The following UNC5D variants were observed in gnomAD, a reference collection of about 807,000 sequenced individuals.
UNC5D encodes the protein netrin receptor UNC5D.
UNC5D carries 39 observed loss-of-function variants against 105.4 expected under a neutral mutation model. The observed-to-expected ratio is 0.37, with a 90% confidence interval of 0.29 to 0.48. UNC5D has a LOEUF of 0.48. Among genes scored for constraint, UNC5D ranks in the 20% least tolerant of loss-of-function variants. The pLI, the probability that UNC5D is intolerant of heterozygous loss-of-function variation, is 0.98. For missense variants in UNC5D, 991 were observed against 1,202.4 expected, an observed-to-expected ratio of 0.82 and a Z score of 2.60; for synonymous variants, 452 against 450.4, an observed-to-expected ratio of 1.00 and a Z score of -0.04.
intron 1 of UNC5D, among the ~76,000 whole-genome samples, chr8:35,305,253 A>G (rs184880005): frequency 6.6e-6 from 1 of 152,288 alleles, no homozygotes; most frequent in Admixed American, 6.5e-5. Context: ...AAATGAAGAA[A>G]TAACCACGGT....
At chr8:35,339,761 T>G (rs770616492) in intron 1 of UNC5D, among the ~76,000 whole-genome samples, 14 of 152,206 alleles carry the variant, frequency 9.2e-5, no homozygotes, top group Non-Finnish European at 1.9e-4. Context: ...CAGGTTTATC[T>G]GGGGAGCCAG....
intron 13 of UNC5D, among the ~76,000 whole-genome samples, chr8:35,757,913 T>C (rs551745331): frequency 3.7e-4 from 56 of 152,352 alleles, no homozygotes; most frequent in Admixed American, 6.5e-4. Flanking sequence ...AGTATGGTCA[T>C]TGCTAATCAC....
chr8:35,628,120 TTTAC>T (rs146768067), intron 4 of UNC5D, among the ~76,000 whole-genome samples: 16,596 of 151,790 alleles, frequency 0.11, 956 homozygotes, highest in African/African-American at 0.15. Flanking sequence ...TATTTATTTA[TTTAC>T]TTACTTACTT....
rs1201839627 is a variant in UNC5D at position 35,790,977 on chromosome 8, CT to C, written c.*415del. 1 of 196,380 alleles carries C rather than the reference CT, an allele frequency of 5.1e-6. No homozygotes were observed. The highest frequency in any genetic ancestry group is 2.3e-5 in the African/African-American group (1 of 43,204). 12.2% of individuals were successfully genotyped at this position (196,380 alleles called of 1,614,324 possible). On this transcript the variant is annotated 3_prime_UTR_variant, in exon 17 of 17. Coordinates refer to ENST00000404895, the MANE Select transcript of UNC5D (RefSeq NM_080872.4). ...TCTGGTACTAGATTGTCAGAGTTTT[CT>C]ACCAACTGGCATCTGTGATGTCAGA...
chr8:35,482,791 A>G (rs1810563957), intron 1 of UNC5D, among the ~76,000 whole-genome samples: 1 of 98,886 alleles, frequency 1.0e-5, no homozygotes, highest in Non-Finnish European at 1.9e-5. Flanking sequence ...CATTAAAGAG[A>G]TCTTTTTTTT....
At chr8:35,695,601 C>A (rs917677420) in intron 7 of UNC5D, among the ~76,000 whole-genome samples, 5 of 151,978 alleles carry the variant, frequency 3.3e-5, no homozygotes, top group African/African-American at 1.2e-4. Context: ...AACACCTGAA[C>A]CACAGGTGAG....
intron 1 of UNC5D, among the ~76,000 whole-genome samples, chr8:35,351,220 T>C (rs1812214394): frequency 6.6e-6 from 1 of 151,924 alleles, no homozygotes; most frequent in Admixed American, 6.6e-5. Context: ...GAGACTCACT[T>C]TTTTTTCCCC....
At chr8:35,276,626 T>C (rs948010239) in intron 1 of UNC5D, among the ~76,000 whole-genome samples, 3 of 152,228 alleles carry the variant, frequency 2.0e-5, no homozygotes, top group Non-Finnish European at 4.4e-5. Flanking sequence ...TTCTGAGTTA[T>C]GATATAATCT....
chr8:35,555,417 C>T (rs1816470194), intron 2 of UNC5D, among the ~76,000 whole-genome samples: 1 of 152,176 alleles, frequency 6.6e-6, no homozygotes, highest in South Asian at 2.1e-4. Context: ...CAGAAATCAG[C>T]TAATCACTTT....
chr8:35,310,369 C>G (rs1808778126), intron 1 of UNC5D, among the ~76,000 whole-genome samples: 1 of 152,060 alleles, frequency 6.6e-6, no homozygotes, highest in African/African-American at 2.4e-5. Context: ...GCCTGTAATC[C>G]CAGCACTTCG....
intron 14 of UNC5D, among the ~76,000 whole-genome samples, chr8:35,763,549 G>A (rs1225635974): frequency 6.9e-6 from 1 of 145,730 alleles, no homozygotes; most frequent in Non-Finnish European, 1.5e-5. Context: ...ACGGTTCTTT[G>A]TCTAGCCCTG....
intron 1 of UNC5D, among the ~76,000 whole-genome samples, chr8:35,316,416 G>T (rs972420850): frequency 5.3e-5 from 8 of 152,186 alleles, no homozygotes; most frequent in Admixed American, 5.2e-4. Context: ...ATCCTGTAAA[G>T]ATGCTAATCC....
intron 4 of UNC5D, among the ~76,000 whole-genome samples, chr8:35,674,768 C>T (rs569368773): frequency 1.5e-4 from 23 of 152,314 alleles, no homozygotes; most frequent in East Asian, 3.9e-4. Context: ...GCCTCATGTC[C>T]TTGGGTGCTG....
At chr8:35,470,606 A>C (rs1809640317) in intron 1 of UNC5D, among the ~76,000 whole-genome samples, 1 of 148,662 alleles carries the variant, frequency 6.7e-6, no homozygotes, top group Admixed American at 6.7e-5. Context: ...AAATGCAAAA[A>C]AAAAAAAAAA....
intron 1 of UNC5D, among the ~76,000 whole-genome samples, chr8:35,539,959 C>T (rs1337450542): frequency 1.3e-5 from 2 of 152,100 alleles, no homozygotes; most frequent in African/African-American, 2.4e-5. Flanking sequence ...AGGTAATTTT[C>T]CAAGAGTGAA....
At chr8:35,541,631 G>T (rs977484465) in intron 1 of UNC5D, among the ~76,000 whole-genome samples, 1 of 152,190 alleles carries the variant, frequency 6.6e-6, no homozygotes, top group Non-Finnish European at 1.5e-5. Context: ...TGTGATGCCT[G>T]CCATAAACCC....
At chr8:35,380,089 G>GA (rs1331398216) in intron 1 of UNC5D, among the ~76,000 whole-genome samples, 2 of 111,858 alleles carry the variant, frequency 1.8e-5, no homozygotes, top group Admixed American at 9.1e-5. Context: ...ATTGGGGGTG[G>GA]GGGGGGGGTC....
intron 1 of UNC5D, among the ~76,000 whole-genome samples, chr8:35,373,419 A>T (rs1373466261): frequency 6.6e-6 from 1 of 152,202 alleles, no homozygotes; most frequent in African/African-American, 2.4e-5. Flanking sequence ...GCATGGACTT[A>T]TTTAGCCTTC....
intron 1 of UNC5D, among the ~76,000 whole-genome samples, chr8:35,357,213 G>T (rs1801607139): frequency 6.6e-6 from 1 of 152,046 alleles, no homozygotes; most frequent in African/African-American, 2.4e-5. Context: ...TGATTTCTCA[G>T]CTTAAATTCC....
Sources: allele counts gnomAD v4.1 joint callset (sites outside exome capture counted in the v4.1 genomes callset), GRCh38; gene constraint gnomAD v4.1.1; transcripts MANE v1.5; gene names NCBI Gene and HGNC (gene_info 2026-07-23, HGNC 2026-07-21).